Variants in ADGB observed in about 807,000 individuals in gnomAD.
ADGB encodes androglobin, also known as calpain-7-like protein.
ADGB carries 172 observed loss-of-function variants against 210.5 expected under a neutral mutation model. That is an observed-to-expected ratio of 0.82 (90% CI 0.72 to 0.93). The LOEUF (loss-of-function observed/expected upper bound fraction) is 0.93. Among genes scored for constraint, ADGB ranks in the 40% least tolerant of loss-of-function variants. The pLI is 0.00. For synonymous variants in ADGB, 658 were observed against 662.7 expected, an observed-to-expected ratio of 0.99 and a Z score of 0.11; for missense variants, 2,025 against 1,964.8, an observed-to-expected ratio of 1.03 and a Z score of -0.58.
intron 33 of ADGB, among the ~76,000 whole-genome samples, chr6:146,795,908 C>T (rs1411489036): frequency 5.3e-5 from 8 of 151,992 alleles, no homozygotes; most frequent in African/African-American, 1.9e-4. Flanking sequence ...GGAAGTCAAA[C>T]TCGCTGTTTG....
chr6:146,777,340 T>C (rs537937195), intron 29 of ADGB, among the ~76,000 whole-genome samples: 1 of 152,104 alleles, frequency 6.6e-6, no homozygotes, highest in East Asian at 1.9e-4. Flanking sequence ...AAAGATTCAA[T>C]AAATATTATT....
At chr6:146,761,887 T>C (rs558864987) in intron 27 of ADGB, among the ~76,000 whole-genome samples, 1 of 152,206 alleles carries the variant, frequency 6.6e-6, no homozygotes, top group African/African-American at 2.4e-5. Context: ...CCTTCCTCCT[T>C]TCTTCTAGTT....
intron 1 of ADGB, among the ~76,000 whole-genome samples, chr6:146,617,072 T>C (rs916951235): frequency 6.6e-6 from 1 of 152,084 alleles, no homozygotes; most frequent in Non-Finnish European, 1.5e-5. Flanking sequence ...TCTTCCAATT[T>C]ATGAGAATGA....
At chr6:146,635,668 T>C in intron 2 of ADGB, 131 bp downstream of exon 2, 1 of 964,592 alleles carries the variant, frequency 1.0e-6, no homozygotes, top group Non-Finnish European at 1.4e-6. Flanking sequence ...TTTATTTTTC[T>C]ATCAGCCCCA....
chr6:146,813,877 C>T (rs1778340959), intron 35 of ADGB, among the ~76,000 whole-genome samples: 1 of 152,072 alleles, frequency 6.6e-6, no homozygotes. Flanking sequence ...ACAGAGAGAG[C>T]CTGAGTTTTG....
chr6:146,797,162 T>C (rs900425927), intron 33 of ADGB, among the ~76,000 whole-genome samples: 1 of 152,042 alleles, frequency 6.6e-6, no homozygotes, highest in Non-Finnish European at 1.5e-5. Flanking sequence ...ACCTTATTCC[T>C]GCAAGAATGG....
chr6:146,750,506 A>G (rs1777303819), intron 26 of ADGB, among the ~76,000 whole-genome samples: 1 of 152,126 alleles, frequency 6.6e-6, no homozygotes, highest in Non-Finnish European at 1.5e-5. Context: ...GCAGTGAGTC[A>G]TGATTGCACC....
intron 1 of ADGB, among the ~76,000 whole-genome samples, chr6:146,618,521 C>A (rs1435941185): frequency 6.6e-6 from 1 of 151,810 alleles, no homozygotes; most frequent in African/African-American, 2.4e-5. Context: ...CACCTTAGAA[C>A]TGCTTTTGTC....
chr6:146,611,709 A>T (rs1780714037), intron 1 of ADGB, among the ~76,000 whole-genome samples: 1 of 151,986 alleles, frequency 6.6e-6, no homozygotes, highest in Non-Finnish European at 1.5e-5. Context: ...CTGAAGATCA[A>T]ATAATATGCC....
At chr6:146,727,448 CCTAA>C (rs1013004141) in intron 19 of ADGB, among the ~76,000 whole-genome samples, 1 of 152,146 alleles carries the variant, frequency 6.6e-6, no homozygotes, top group Non-Finnish European at 1.5e-5. Context: ...CACTTATTTC[CCTAA>C]CTATGTTTAT....
intron 15 of ADGB, among the ~76,000 whole-genome samples, chr6:146,717,315 A>G (rs1776750269): frequency 2.0e-5 from 3 of 152,208 alleles, no homozygotes. Context: ...AGCCAAACCA[A>G]TCTTAGGCCA....
intron 6 of ADGB, among the ~76,000 whole-genome samples, chr6:146,666,534 TATA>T (rs1278275996): frequency 5.3e-5 from 8 of 152,098 alleles, no homozygotes; most frequent in African/African-American, 1.9e-4. Context: ...TTTCATAATA[TATA>T]ATGTGAATAT....
intron 35 of ADGB, among the ~76,000 whole-genome samples, chr6:146,812,452 A>AG (rs749964290): frequency 5.2e-4 from 79 of 152,242 alleles, no homozygotes; most frequent in Non-Finnish European, 1.3e-4. Context: ...ATTTCTTTAA[A>AG]GGGGGGAAGG....
chr6:146,751,413 C>G (rs978177614), intron 26 of ADGB, among the ~76,000 whole-genome samples: 6 of 151,998 alleles, frequency 3.9e-5, no homozygotes, highest in African/African-American at 1.4e-4. Context: ...CATGTCTTTG[C>G]TGTTGTGAAT....
chr6:146,739,555 A>G (rs1163133721), intron 23 of ADGB, among the ~76,000 whole-genome samples: 1 of 152,160 alleles, frequency 6.6e-6, no homozygotes, highest in Admixed American at 6.5e-5. Context: ...CCTATGATCA[A>G]CAAAAACCAA....
chr6:146,631,584 T>C (rs1015139099), intron 1 of ADGB, among the ~76,000 whole-genome samples: 24 of 152,182 alleles, frequency 1.6e-4, no homozygotes, highest in African/African-American at 5.8e-4. Context: ...CATTGTTTCA[T>C]TTCATATAAA....
chr6:146,678,142 T>C (rs1776108742), intron 9 of ADGB, among the ~76,000 whole-genome samples: 1 of 152,218 alleles, frequency 6.6e-6, no homozygotes, highest in Admixed American at 6.5e-5. Context: ...AAGGAGATAA[T>C]GGATAGACAG....
At chr6:146,621,012 A>G (rs1023176852) in intron 1 of ADGB, among the ~76,000 whole-genome samples, 1 of 152,126 alleles carries the variant, frequency 6.6e-6, no homozygotes, top group Non-Finnish European at 1.5e-5. Context: ...ACTTATGTTG[A>G]GCACCAGGAC....
chr6:146,799,869 G>T (rs1338177966), intron 33 of ADGB, among the ~76,000 whole-genome samples: 1 of 152,018 alleles, frequency 6.6e-6, no homozygotes, highest in Non-Finnish European at 1.5e-5. Flanking sequence ...GAGTGCAATG[G>T]TGCGATCTTG....
Sources: gnomAD v4.1 joint callset for allele counts (sites outside exome capture counted in the v4.1 genomes callset) on GRCh38, gnomAD v4.1.1 for gene constraint, MANE v1.5 for transcripts, NCBI Gene and HGNC (gene_info 2026-07-23, HGNC 2026-07-21) for gene names.